The following CTNNA3 variants were observed in gnomAD, a reference collection of about 807,000 sequenced individuals.
The protein encoded by CTNNA3 is catenin alpha 3, also known as catenin alpha-3.
In CTNNA3, 76 loss-of-function variants were observed where a neutral mutation model predicts 95.7. That is an observed-to-expected ratio of 0.79 (90% CI 0.66 to 0.96). The LOEUF (loss-of-function observed/expected upper bound fraction) is 0.96. Ranked by LOEUF, CTNNA3 falls within the 40% of genes least tolerant of loss-of-function variation. The probability of loss-of-function intolerance (pLI) is 0.00; values close to 1 mark genes in which losing one functional copy is unlikely to be tolerated. For missense variants in CTNNA3, 1,191 were observed against 1,089.8 expected, an observed-to-expected ratio of 1.09 and a Z score of -1.31; for synonymous variants, 431 against 374.4, an observed-to-expected ratio of 1.15 and a Z score of -1.74.
At position 65,913,110 on chromosome 10, in the gene CTNNA3, T is replaced by C. The variant is rs2076965704; in HGVS notation, c.*7220A>G. On this transcript the variant is annotated 3_prime_UTR_variant, in exon 18 of 18. Coordinates refer to ENST00000433211, the MANE Select transcript of CTNNA3 (RefSeq NM_013266.4). ...TTTATTTCATCTCAGAAAGTCTTAGTTTAAATCTGCTTTCATCCTAAATTA... is the reference window on the plus strand; with the variant it reads ...TTTATTTCATCTCAGAAAGTCTTAGCTTAAATCTGCTTTCATCCTAAATTA... The C allele has an allele frequency of 6.6e-6, 1 of 152,270 alleles. No individual in the cohort carries two copies. Among genetic ancestry groups the C allele is most frequent in the East Asian group, 1.9e-4 (1 of 5,182 alleles). 9.4% of individuals were successfully genotyped at this position (152,270 alleles called of 1,614,324 possible). A position where few individuals can be genotyped will look rare whatever the true frequency, so the allele number is the denominator to read the frequency against.
intron 7 of CTNNA3, among the ~76,000 whole-genome samples, chr10:66,878,633 C>T (rs189478776): frequency 6.6e-6 from 1 of 152,094 alleles, no homozygotes. Context: ...CTAGGAGCAA[C>T]TGTGGTCAAG....
At chr10:67,176,870 A>C in intron 7 of CTNNA3, 1 of 468,584 alleles carries the variant, frequency 2.1e-6, no homozygotes, top group African/African-American at 2.0e-5. Context: ...ACCTCTAGAA[A>C]CTGGAAAAGG....
At chr10:66,278,936 C>A (rs576221820) in intron 13 of CTNNA3, among the ~76,000 whole-genome samples, 65 of 151,780 alleles carry the variant, frequency 4.3e-4, no homozygotes, top group African/African-American at 1.6e-3. Flanking sequence ...AATTTTGCAA[C>A]AAGAAAATTG....
intron 1 of CTNNA3, among the ~76,000 whole-genome samples, chr10:67,719,822 G>A (rs930320262): frequency 5.3e-5 from 8 of 152,056 alleles, no homozygotes; most frequent in Admixed American, 3.3e-4. Context: ...AGGTCCACTT[G>A]GTCCAGAGCT....
chr10:67,019,171 C>G (rs993505300), intron 7 of CTNNA3, among the ~76,000 whole-genome samples: 1 of 152,158 alleles, frequency 6.6e-6, no homozygotes, highest in African/African-American at 2.4e-5. Flanking sequence ...ATATGGGTTA[C>G]TTCACATTTG....
chr10:66,480,400 A>G (rs1188245974), intron 11 of CTNNA3, among the ~76,000 whole-genome samples: 6 of 152,084 alleles, frequency 3.9e-5, no homozygotes. Context: ...TCAATCATGT[A>G]TTTCTGTGTC....
At position 67,747,477 on chromosome 10, in the gene CTNNA3, T is replaced by C. The variant is rs749948456; in HGVS notation, c.-2+15957A>G. ...TCTCCAGGTGCGAGAGGGACCCAGG[T>C]GAATAGGGCCTGAAGTGAAACCCCA... On this transcript the variant is annotated intron_variant, in intron 1 of 17. Coordinates refer to the CTNNA3 transcript ENST00000684154. Among the ~76,000 whole-genome samples, 17 of 152,146 alleles carry C rather than the reference T, an allele frequency of 1.1e-4. No individual in the cohort carries two copies. In the Middle Eastern group the frequency reaches 0.01, roughly 91 times the overall value.
At chr10:67,123,876 G>T (rs1029422846) in intron 7 of CTNNA3, among the ~76,000 whole-genome samples, 2 of 152,092 alleles carry the variant, frequency 1.3e-5, no homozygotes, top group African/African-American at 2.4e-5. Context: ...CTACAAATAT[G>T]CTATCTTAAG....
At chr10:66,216,139 C>A (rs2088517118) in intron 13 of CTNNA3, among the ~76,000 whole-genome samples, 1 of 152,232 alleles carries the variant, frequency 6.6e-6, no homozygotes, top group South Asian at 2.1e-4. Flanking sequence ...GTAAATCCTG[C>A]CCTTAGGCCA....
At chr10:66,756,143 G>A (rs1265112029) in intron 9 of CTNNA3, among the ~76,000 whole-genome samples, 2 of 152,032 alleles carry the variant, frequency 1.3e-5, no homozygotes, top group Non-Finnish European at 2.9e-5. Context: ...ATTCTCCTTT[G>A]ACACAATGAT....
chr10:66,228,248 A>C (rs1437594564), intron 13 of CTNNA3, among the ~76,000 whole-genome samples: 1 of 151,884 alleles, frequency 6.6e-6, no homozygotes, highest in Non-Finnish European at 1.5e-5. Context: ...CTAATTTCTC[A>C]GAATGCATCA....
intron 14 of CTNNA3, among the ~76,000 whole-genome samples, chr10:66,089,456 A>T (rs2081128203): frequency 1.4e-5 from 2 of 142,324 alleles, no homozygotes; most frequent in South Asian, 2.2e-4. Context: ...GTTTATTCCT[A>T]TTCCTTGTGC....
At chr10:67,411,544 G>T (rs1040779631) in intron 5 of CTNNA3, among the ~76,000 whole-genome samples, 1 of 152,018 alleles carries the variant, frequency 6.6e-6, no homozygotes, top group Non-Finnish European at 1.5e-5. Flanking sequence ...CAACTGAGAA[G>T]AATATTCATT....
intron 5 of CTNNA3, among the ~76,000 whole-genome samples, chr10:67,423,417 A>G (rs1396590689): frequency 6.6e-6 from 1 of 152,140 alleles, no homozygotes; most frequent in Non-Finnish European, 1.5e-5. Context: ...AATAAAAAGA[A>G]CCATGGAAGC....
intron 5 of CTNNA3, among the ~76,000 whole-genome samples, chr10:67,473,206 T>A (rs1564674622): frequency 6.6e-6 from 1 of 152,200 alleles, no homozygotes; most frequent in Non-Finnish European, 1.5e-5. Flanking sequence ...TCCTTTTCTT[T>A]AATATCCAGA....
At chr10:66,030,760 T>A (rs1179998277) in intron 15 of CTNNA3, among the ~76,000 whole-genome samples, 1 of 151,898 alleles carries the variant, frequency 6.6e-6, no homozygotes, top group African/African-American at 2.4e-5. Context: ...TACCAACAGA[T>A]AACCTACAGA....
chr10:66,294,059 A>T lies in CTNNA3; in HGVS notation c.1733-13438T>A, dbSNP rs1039496254. Among the ~76,000 whole-genome samples the T allele has an allele frequency of 3.3e-5, 5 of 152,184 alleles. No homozygotes were observed. In the East Asian group the frequency reaches 9.6e-4, roughly 29 times the overall value. On this transcript the variant is annotated intron_variant, in intron 12 of 17. Coordinates refer to ENST00000433211, the MANE Select transcript of CTNNA3 (RefSeq NM_013266.4). ...TAGGAGATTAGACTGGCCTCAAGTA[A>T]CCATCATGCTAATAGCCCAATGATT...
At chr10:66,010,017 G>T (rs151209223) in intron 15 of CTNNA3, among the ~76,000 whole-genome samples, 3 of 152,276 alleles carry the variant, frequency 2.0e-5, no homozygotes, top group African/African-American at 7.2e-5. Context: ...TTATGAGAAA[G>T]CATGTAGAGA....
chr10:67,437,389 G>A (rs1160205851), intron 5 of CTNNA3, among the ~76,000 whole-genome samples: 1 of 151,906 alleles, frequency 6.6e-6, no homozygotes, highest in African/African-American at 2.4e-5. Flanking sequence ...CTTGGGTGAT[G>A]GGTGCACCAA....
Sources: allele counts gnomAD v4.1 joint callset (sites outside exome capture counted in the v4.1 genomes callset), GRCh38; gene constraint gnomAD v4.1.1; transcripts MANE v1.5; gene names NCBI Gene and HGNC (gene_info 2026-07-23, HGNC 2026-07-21).